Variants in LUZP2 observed in about 807,000 individuals in gnomAD.
LUZP2 encodes leucine zipper protein 2.
A neutral mutation model predicts 51.6 loss-of-function variants in LUZP2; 52 were observed. That is an observed-to-expected ratio of 1.01 (90% CI 0.81 to 1.27). The LOEUF (loss-of-function observed/expected upper bound fraction) is 1.27. Ranked by LOEUF, LUZP2 falls within the 50% of genes most tolerant of loss-of-function variation. The probability of loss-of-function intolerance (pLI) is 0.00; values close to 1 mark genes in which losing one functional copy is unlikely to be tolerated. For synonymous variants in LUZP2, 154 were observed against 137.3 expected, an observed-to-expected ratio of 1.12 and a Z score of -0.85; for missense variants, 436 against 395.4, an observed-to-expected ratio of 1.10 and a Z score of -0.87.
chr11:24,750,422 T>C (rs1859535757), intron 4 of LUZP2, among the ~76,000 whole-genome samples: 1 of 152,208 alleles, frequency 6.6e-6, no homozygotes, highest in Non-Finnish European at 1.5e-5. Context: ...ACACAATTTT[T>C]AAAATCTGTT....
chr11:24,664,227 G>T (rs1417882710), intron 1 of LUZP2, among the ~76,000 whole-genome samples: 1 of 152,126 alleles, frequency 6.6e-6, no homozygotes. Flanking sequence ...CTAGAGACTT[G>T]TTAAATGGCT....
chr11:24,731,191 T>C (rs999808877), intron 2 of LUZP2, among the ~76,000 whole-genome samples: 2 of 151,716 alleles, frequency 1.3e-5, no homozygotes, highest in African/African-American at 4.8e-5. Context: ...TTTTCAACAT[T>C]AGATTAAAAA....
Position 25,044,251 on chromosome 11 carries a change from GTGTGTGTATATATATA to G in LUZP2, c.766-5785_766-5770del, listed in dbSNP as rs1220786009. ...TGTATGTGTATGTGTGTGTGTGTGTGTGTGTGTATATATATATATATATATATATATATATATATAG... is the reference window on the plus strand; with the variant it reads ...TGTATGTGTATGTGTGTGTGTGTGTGTATATATATATATATATATATATAG... On this transcript the variant is annotated intron_variant, in intron 9 of 11. Transcript: ENST00000336930. Among the ~76,000 whole-genome samples, 812 of 117,570 alleles carry G rather than the reference GTGTGTGTATATATATA, an allele frequency of 6.9e-3. 3 individuals are homozygous for G. Among genetic ancestry groups the G allele is most frequent in the African/African-American group, 0.017 (511 of 29,662 alleles). The allele number at this position is 117,570 out of a possible 152,430, so 77.1% of individuals were successfully genotyped here. A position where few individuals can be genotyped will look rare whatever the true frequency, so the allele number is the denominator to read the frequency against.
intron 5 of LUZP2, among the ~76,000 whole-genome samples, chr11:24,905,166 G>A (rs557606349): frequency 1.3e-5 from 2 of 152,204 alleles, no homozygotes; most frequent in South Asian, 4.1e-4. Context: ...TGTAAGAATA[G>A]TAGGGTACTT....
At chr11:24,771,828 C>A (rs533941460) in intron 5 of LUZP2, among the ~76,000 whole-genome samples, 2 of 152,232 alleles carry the variant, frequency 1.3e-5, no homozygotes, top group South Asian at 4.1e-4. Context: ...ATTAGAGTTA[C>A]CCTGCACAAG....
At chr11:25,032,375 A>G (rs1352867658) in intron 9 of LUZP2, among the ~76,000 whole-genome samples, 1 of 152,190 alleles carries the variant, frequency 6.6e-6, no homozygotes. Context: ...ATTTTGGACA[A>G]GTGACTTAAT....
At chr11:24,807,882 T>C (rs1849902069) in intron 5 of LUZP2, among the ~76,000 whole-genome samples, 1 of 152,100 alleles carries the variant, frequency 6.6e-6, no homozygotes, top group Admixed American at 6.6e-5. Flanking sequence ...CATAGTAACA[T>C]ATTTTGGGGG....
At chr11:24,694,991 A>G (rs1427596675) in intron 1 of LUZP2, among the ~76,000 whole-genome samples, 1 of 151,930 alleles carries the variant, frequency 6.6e-6, no homozygotes, top group Non-Finnish European at 1.5e-5. Context: ...GGCTTGAAAC[A>G]TAGATGACAG....
At chr11:24,811,044 T>C (rs1850004037) in intron 5 of LUZP2, among the ~76,000 whole-genome samples, 1 of 152,168 alleles carries the variant, frequency 6.6e-6, no homozygotes, top group East Asian at 1.9e-4. Flanking sequence ...AAATAAGAAA[T>C]AAACTTGGGC....
chr11:24,513,784 T>C (rs1850382253), intron 1 of LUZP2, among the ~76,000 whole-genome samples: 1 of 152,208 alleles, frequency 6.6e-6, no homozygotes, highest in African/African-American at 2.4e-5. Context: ...AATACCTTAC[T>C]CTTCTGGAAG....
chr11:24,501,164 C>T (rs1365885168), intron 1 of LUZP2, among the ~76,000 whole-genome samples: 2 of 152,128 alleles, frequency 1.3e-5, no homozygotes, highest in Non-Finnish European at 2.9e-5. Context: ...AAAAATTGTA[C>T]CTTCCATGTA....
At chr11:24,825,179 A>T (rs1457985881) in intron 5 of LUZP2, among the ~76,000 whole-genome samples, 1 of 152,178 alleles carries the variant, frequency 6.6e-6, no homozygotes, top group African/African-American at 2.4e-5. Flanking sequence ...TAATGTAAAT[A>T]CTCAGGTTTT....
At chr11:24,602,108 G>GTGTATA in intron 1 of LUZP2, among the ~76,000 whole-genome samples, 1 of 115,310 alleles carries the variant, frequency 8.7e-6, no homozygotes, top group African/African-American at 3.5e-5. Context: ...ATGTGTATAT[G>GTGTATA]TGTATATATG....
chr11:24,572,984 C>T (rs1852491015), intron 1 of LUZP2, among the ~76,000 whole-genome samples: 1 of 151,826 alleles, frequency 6.6e-6, no homozygotes, highest in African/African-American at 2.4e-5. Flanking sequence ...TAGTTAATTC[C>T]AAATGAAAGG....
intron 5 of LUZP2, among the ~76,000 whole-genome samples, chr11:24,843,468 A>G (rs1432063645): frequency 6.6e-6 from 1 of 152,184 alleles, no homozygotes; most frequent in Admixed American, 6.5e-5. Flanking sequence ...TGTAAACAAA[A>G]TAATGTGAGC....
chr11:24,821,578 T>G (rs147300370), intron 5 of LUZP2, among the ~76,000 whole-genome samples: 2 of 152,160 alleles, frequency 1.3e-5, no homozygotes, highest in African/African-American at 2.4e-5. Flanking sequence ...GTAAGATTCA[T>G]GTTAGTAAAC....
intron 5 of LUZP2, among the ~76,000 whole-genome samples, chr11:24,781,123 T>C (rs2716544): frequency 0.54 from 82,402 of 151,880 alleles, 22,833 homozygotes; most frequent in Non-Finnish European, 0.61. Flanking sequence ...TTAAGCCTAA[T>C]TGAAGACTTA....
chr11:24,813,483 G>C (rs1044746906), intron 5 of LUZP2, among the ~76,000 whole-genome samples: 3 of 152,162 alleles, frequency 2.0e-5, no homozygotes, highest in African/African-American at 7.2e-5. Context: ...GGCAAGAATG[G>C]AGCAAGAGAG....
At chr11:24,828,044 C>CACAT (rs1190080883) in intron 5 of LUZP2, among the ~76,000 whole-genome samples, 1 of 151,996 alleles carries the variant, frequency 6.6e-6, no homozygotes, top group Non-Finnish European at 1.5e-5. Context: ...CACACACACA[C>CACAT]ACACATACAC....
Sources: allele counts gnomAD v4.1 joint callset (sites outside exome capture counted in the v4.1 genomes callset), GRCh38; gene constraint gnomAD v4.1.1; transcripts MANE v1.5; gene names NCBI Gene and HGNC (gene_info 2026-07-23, HGNC 2026-07-21).